CNTN6: variants seen among roughly 807,000 people sequenced by gnomAD.
CNTN6 encodes contactin-6.
In CNTN6, 137 loss-of-function variants were observed where a neutral mutation model predicts 122.8. The observed-to-expected ratio is 1.12, with a 90% confidence interval of 0.97 to 1.29. The LOEUF (loss-of-function observed/expected upper bound fraction) is 1.29. Ranked by LOEUF, CNTN6 falls within the 50% of genes most tolerant of loss-of-function variation. The pLI is 0.00. For missense variants in CNTN6, 1,634 were observed against 1,223.4 expected, an observed-to-expected ratio of 1.34 and a Z score of -5.01; for synonymous variants, 570 against 426.0, an observed-to-expected ratio of 1.34 and a Z score of -4.16.
At chr3:1,296,235 A>ATTTACG (rs1480443590) in intron 6 of CNTN6, among the ~76,000 whole-genome samples, 1 of 151,670 alleles carries the variant, frequency 6.6e-6, no homozygotes, top group Non-Finnish European at 1.5e-5. Flanking sequence ...TTCACCCTTT[A>ATTTACG]TTTACGTGGC....
intron 12 of CNTN6, among the ~76,000 whole-genome samples, chr3:1,364,169 T>A (rs1707878880): frequency 6.6e-6 from 1 of 151,978 alleles, no homozygotes; most frequent in Non-Finnish European, 1.5e-5. Context: ...TAGCGTAATT[T>A]GAGATTCTGA....
At chr3:1,286,593 C>T (rs1031556304) in intron 5 of CNTN6, among the ~76,000 whole-genome samples, 8 of 152,140 alleles carry the variant, frequency 5.3e-5, no homozygotes, top group African/African-American at 9.7e-5. Flanking sequence ...GAAAATGTGA[C>T]AGTCTATCAT....
intron 2 of CNTN6, among the ~76,000 whole-genome samples, chr3:1,164,649 G>C (rs1442280523): frequency 6.6e-6 from 1 of 152,160 alleles, no homozygotes; most frequent in Admixed American, 6.5e-5. Flanking sequence ...AGAAATTCTT[G>C]ACATATATTA....
intron 1 of CNTN6, among the ~76,000 whole-genome samples, chr3:1,112,064 C>T (rs527348776): frequency 3.9e-5 from 6 of 152,050 alleles, no homozygotes; most frequent in African/African-American, 9.7e-5. Flanking sequence ...GATCATGATA[C>T]GAATAAGCTG....
chr3:1,144,399 A>C (rs1483965407), intron 1 of CNTN6, among the ~76,000 whole-genome samples: 1 of 152,016 alleles, frequency 6.6e-6, no homozygotes, highest in Non-Finnish European at 1.5e-5. Flanking sequence ...AACATGGTGA[A>C]ACCCTGTCTT....
At chr3:1,361,293 A>G (rs773818060) in intron 12 of CNTN6, among the ~76,000 whole-genome samples, 1 of 152,116 alleles carries the variant, frequency 6.6e-6, no homozygotes, top group Non-Finnish European at 1.5e-5. Context: ...CATTTGTCCT[A>G]ATTCTTTGTT....
At chr3:1,124,060 C>A (rs1001074035) in intron 1 of CNTN6, among the ~76,000 whole-genome samples, 3 of 151,868 alleles carry the variant, frequency 2.0e-5, no homozygotes, top group African/African-American at 4.8e-5. Context: ...ATGTATAATT[C>A]TTTTAATATT....
chr3:1,108,016 T>C (rs2091305886), intron 1 of CNTN6, among the ~76,000 whole-genome samples: 1 of 152,118 alleles, frequency 6.6e-6, no homozygotes, highest in Non-Finnish European at 1.5e-5. Flanking sequence ...TGGGTGTTAA[T>C]GTCAGTGTTA....
intron 5 of CNTN6, among the ~76,000 whole-genome samples, chr3:1,281,942 G>T (rs942756326): frequency 7.3e-5 from 11 of 150,622 alleles, no homozygotes; most frequent in Admixed American, 7.3e-4. Flanking sequence ...TTTTAATAAG[G>T]CAGGCCTATC....
intron 1 of CNTN6, among the ~76,000 whole-genome samples, chr3:1,118,060 T>C (rs561225299): frequency 5.9e-5 from 9 of 152,270 alleles, no homozygotes; most frequent in South Asian, 2.1e-4. Flanking sequence ...TCTAAACAAA[T>C]ACCTATGCCA....
intron 1 of CNTN6, among the ~76,000 whole-genome samples, chr3:1,096,022 C>G (rs969132650): frequency 1.3e-5 from 2 of 152,148 alleles, no homozygotes; most frequent in East Asian, 1.9e-4. Flanking sequence ...GCTATATTTT[C>G]TATGAGTTTG....
rs560605726 is a variant in CNTN6, at chr3:1,252,007, A to G, written c.358+24014A>G. 2.8e-4 allele frequency among the ~76,000 whole-genome samples: 42 copies of G among 152,232 alleles called. No homozygotes were observed. The East Asian group carries it at 4.4e-3, about 16-fold the overall frequency. ...GCTTACCTCTAGAGTTATTTCCCCA[A>G]AATAATTCCAATGAAACGTTAAAAC... On this transcript the variant is annotated intron_variant, in intron 4 of 22. Transcript: ENST00000446702.
At chr3:1,352,589 C>A in intron 12 of CNTN6, 138 bp downstream of exon 12, 3 of 967,878 alleles carry the variant, frequency 3.1e-6, no homozygotes, top group African/African-American at 1.7e-5. Flanking sequence ...GAGATCCATT[C>A]CCGTACTCAT....
chr3:1,121,870 C>T (rs1374135408), intron 1 of CNTN6, among the ~76,000 whole-genome samples: 1 of 151,840 alleles, frequency 6.6e-6, no homozygotes, highest in African/African-American at 2.4e-5. Context: ...CCTTTTCCTT[C>T]TTTGTATAAT....
intron 1 of CNTN6, among the ~76,000 whole-genome samples, chr3:1,112,850 G>A (rs1354458041): frequency 1.3e-5 from 2 of 152,080 alleles, no homozygotes; most frequent in African/African-American, 2.4e-5. Flanking sequence ...TATTCAAAAG[G>A]CCATAGCATT....
At chr3:1,236,306 G>T in intron 4 of CNTN6, among the ~76,000 whole-genome samples, 1 of 152,024 alleles carries the variant, frequency 6.6e-6, no homozygotes, top group African/African-American at 2.4e-5. Context: ...AAACAAAAAC[G>T]CAACCAAGGA....
intron 19 of CNTN6, 69 bp downstream of exon 19, chr3:1,383,477 A>G: frequency 8.9e-7 from 1 of 1,122,066 alleles, no homozygotes; most frequent in Non-Finnish European, 1.4e-6. Flanking sequence ...CCTATTCAAC[A>G]GTCCTATCCT....
chr3:1,233,376 T>C (rs1205936921), intron 4 of CNTN6, among the ~76,000 whole-genome samples: 2 of 152,160 alleles, frequency 1.3e-5, no homozygotes, highest in Non-Finnish European at 2.9e-5. Context: ...TTTTGTATTT[T>C]ACTGCTTATC....
chr3:1,099,368 G>A (rs772670685), intron 1 of CNTN6, among the ~76,000 whole-genome samples: 5 of 151,950 alleles, frequency 3.3e-5, no homozygotes, highest in South Asian at 4.1e-4. Context: ...GGAGAATGGC[G>A]GGAACCCGGG....
Sources: allele counts gnomAD v4.1 joint callset (sites outside exome capture counted in the v4.1 genomes callset), GRCh38; gene constraint gnomAD v4.1.1; transcripts MANE v1.5; gene names NCBI Gene and HGNC (gene_info 2026-07-23, HGNC 2026-07-21).